The following FAM184A variants were observed in gnomAD, a reference collection of about 807,000 sequenced individuals.
FAM184A encodes protein FAM184A.
A neutral mutation model predicts 143.8 loss-of-function variants in FAM184A; 99 were observed. That is an observed-to-expected ratio of 0.69 (90% CI 0.58 to 0.81). The LOEUF is 0.81. FAM184A is among the 40% of genes least tolerant of loss of function. The pLI, the probability that FAM184A is intolerant of heterozygous loss-of-function variation, is 0.00. For synonymous variants in FAM184A, 427 were observed against 446.4 expected (o/e 0.96, Z 0.55); for missense variants, 1,217 against 1,310.5 (o/e 0.93, Z 1.10).
chr6:119,139,929 G>A (rs1236544471), intron 1 of FAM184A, among the ~76,000 whole-genome samples: 1 of 152,244 alleles, frequency 6.6e-6, no homozygotes, highest in Non-Finnish European at 1.5e-5. Flanking sequence ...AGATGTGAGT[G>A]AATTCTGCAG....
rs116737557 is a variant in FAM184A, at chr6:118,986,933, T to C, written c.2089-6583A>G. Among the ~76,000 whole-genome samples, 963 of 152,348 alleles carry C rather than the reference T, an allele frequency of 6.3e-3. 7 individuals carry two copies. Among genetic ancestry groups the C allele is most frequent in the African/African-American group, 0.022 (895 of 41,582 alleles). On this transcript the variant is annotated intron_variant, in intron 9 of 17. Coordinates refer to ENST00000338891, the MANE Select transcript of FAM184A (RefSeq NM_024581.6). The stretch of plus-strand genomic sequence containing the variant: ...CAGCAACACTGAGATAAATGTTTGT[T>C]GTTTCTTTTAAGAGATGAAAGAAAA...
intron 1 of FAM184A, among the ~76,000 whole-genome samples, chr6:119,097,954 C>T (rs943238409): frequency 6.6e-6 from 1 of 152,202 alleles, no homozygotes; most frequent in African/African-American, 2.4e-5. Flanking sequence ...GGGGCCCTCT[C>T]ACCGGATGCA....
upstream of FAM184A, among the ~76,000 whole-genome samples, chr6:119,081,231 AACTATCAGATCTTG>A (rs1788053314): frequency 6.6e-6 from 1 of 152,152 alleles, no homozygotes; most frequent in South Asian, 2.1e-4. Context: ...ACACTTATAA[AACTATCAGATCTTG>A]TGACAGCTCA....
intron 1 of FAM184A, among the ~76,000 whole-genome samples, chr6:119,146,302 C>T (rs973721601): frequency 8.6e-5 from 13 of 151,908 alleles, no homozygotes; most frequent in Non-Finnish European, 5.9e-5. Context: ...CACACTGGCC[C>T]GCAGTGTGCT....
intron 1 of FAM184A, among the ~76,000 whole-genome samples, chr6:119,104,772 C>T (rs570796490): frequency 7.2e-5 from 11 of 152,188 alleles, no homozygotes; most frequent in Non-Finnish European, 1.2e-4. Context: ...CTATAAAACG[C>T]GCGAAAAACT....
intron 1 of FAM184A, among the ~76,000 whole-genome samples, chr6:119,041,082 A>C: frequency 6.6e-6 from 1 of 152,138 alleles, no homozygotes. Flanking sequence ...GTCATATTCT[A>C]GGGGAGAGAA....
At chr6:119,134,422 T>C (rs968195727) in intron 1 of FAM184A, among the ~76,000 whole-genome samples, 17 of 152,168 alleles carry the variant, frequency 1.1e-4, no homozygotes, top group Non-Finnish European at 2.2e-4. Context: ...GGTGCCAAGA[T>C]GAGAGGATTG....
In FAM184A at chr6:118,998,643, CTGTGCAGATCT is replaced by C. The variant is rs1263190664; in HGVS notation, c.2088+4245_2088+4255del. 1.7e-4 allele frequency among the ~76,000 whole-genome samples: 26 copies of C among 152,296 alleles called. 1 individual carries two copies. Among genetic ancestry groups the C allele is most frequent in the African/African-American group, 6.0e-4 (25 of 41,558 alleles). On this transcript the variant is annotated intron_variant, in intron 9 of 17. Transcript: ENST00000338891. ...ATAACTGATTAAGTGAAGGGAAAAG[CTGTGCAGATCT>C]CTAGAAAGTGGGTTCCATGTGGAGG... is the stretch of plus-strand genomic sequence containing the variant.
chr6:119,094,244 C>T (rs562297538), intron 1 of FAM184A, among the ~76,000 whole-genome samples: 4 of 152,096 alleles, frequency 2.6e-5, no homozygotes, highest in South Asian at 2.1e-4. Flanking sequence ...GCCCGACTGC[C>T]GTTTTGCTAC....
chr6:119,123,698 T>C (rs1392693237), intron 1 of FAM184A, among the ~76,000 whole-genome samples: 1 of 152,174 alleles, frequency 6.6e-6, no homozygotes, highest in East Asian at 1.9e-4. Flanking sequence ...ATTCAGTCCG[T>C]TGGAGGCTTG....
chr6:119,021,987 T>C (rs1009304142), intron 3 of FAM184A, among the ~76,000 whole-genome samples: 5 of 146,636 alleles, frequency 3.4e-5, no homozygotes, highest in Admixed American at 1.4e-4. Flanking sequence ...AAAAATAAAA[T>C]AAAATAAAAT....
chr6:119,103,426 A>T (rs1349993491), intron 1 of FAM184A, among the ~76,000 whole-genome samples: 2 of 152,238 alleles, frequency 1.3e-5, no homozygotes, highest in Non-Finnish European at 2.9e-5. Context: ...AGACAAAGAC[A>T]CTTTAGCTGA....
At chr6:119,059,837 T>C (rs572069878) in intron 1 of FAM184A, among the ~76,000 whole-genome samples, 20 of 152,348 alleles carry the variant, frequency 1.3e-4, no homozygotes, top group Non-Finnish European at 2.5e-4. Context: ...GAGTTTTATA[T>C]ATCTACGCTC....
intron 1 of FAM184A, among the ~76,000 whole-genome samples, chr6:119,074,200 C>T (rs1434138517): frequency 6.6e-6 from 1 of 152,200 alleles, no homozygotes; most frequent in Non-Finnish European, 1.5e-5. Context: ...TTTGCTGCTC[C>T]TCTTTACTCT....
intron 6 of FAM184A, 74 bp from the exon 7 acceptor site, chr6:119,006,682 A>C: frequency 8.3e-7 from 1 of 1,201,294 alleles, no homozygotes; most frequent in Non-Finnish European, 1.1e-6. Flanking sequence ...ATTTCTTCCT[A>C]AAGTTTTTTA....
intron 1 of FAM184A, among the ~76,000 whole-genome samples, chr6:119,098,785 T>C (rs77405374): frequency 0.021 from 3,252 of 152,144 alleles, 103 homozygotes; most frequent in African/African-American, 0.075. Flanking sequence ...GGTGGACCCA[T>C]TTAGTAGGGG....
intron 1 of FAM184A, among the ~76,000 whole-genome samples, chr6:119,130,752 G>A (rs2114875229): frequency 6.6e-6 from 1 of 152,156 alleles, no homozygotes; most frequent in East Asian, 1.9e-4. Context: ...TGAAACTCTA[G>A]TTTGAATATC....
intron 3 of FAM184A, 75 bp downstream of exon 3, chr6:119,022,870 C>T: frequency 1.3e-6 from 2 of 1,579,244 alleles, no homozygotes; most frequent in Admixed American, 3.4e-5. Flanking sequence ...GAGCAAGACT[C>T]TGTCTCCAAA....
At chr6:119,135,730 A>G (rs1316637957) in intron 1 of FAM184A, among the ~76,000 whole-genome samples, 1 of 152,194 alleles carries the variant, frequency 6.6e-6, no homozygotes, top group Non-Finnish European at 1.5e-5. Context: ...CCCTCAGAGA[A>G]GAGCTAAACT....
Sources: allele counts gnomAD v4.1 joint callset (sites outside exome capture counted in the v4.1 genomes callset), GRCh38; gene constraint gnomAD v4.1.1; transcripts MANE v1.5; gene names NCBI Gene and HGNC (gene_info 2026-07-23, HGNC 2026-07-21).